ZHX2: variants seen among roughly 807,000 people sequenced by gnomAD.
The protein encoded by ZHX2 is zinc fingers and homeoboxes protein 2.
In ZHX2, 6 loss-of-function variants were observed where a neutral mutation model predicts 21.9. The observed-to-expected ratio is 0.27, with a 90% CI of 0.15 to 0.54. The LOEUF (loss-of-function observed/expected upper bound fraction) is 0.54, where lower values mean the gene tolerates loss of function less well. ZHX2 is among the 20% of genes least tolerant of loss of function. The pLI, the probability that ZHX2 is intolerant of heterozygous loss-of-function variation, is 0.95. For missense variants in ZHX2, 908 were observed against 1,090.7 expected, an observed-to-expected ratio of 0.83 and a Z score of 2.36; for synonymous variants, 434 against 437.1, an observed-to-expected ratio of 0.99 and a Z score of 0.09.
At chr8:122,806,686 A>G (rs959192059) in intron 1 of ZHX2, among the ~76,000 whole-genome samples, 1 of 152,204 alleles carries the variant, frequency 6.6e-6, no homozygotes, top group Non-Finnish European at 1.5e-5. Flanking sequence ...TGGCCATTGG[A>G]ACTCAAGTGA....
At chr8:122,800,387 G>A (rs964476541) in intron 1 of ZHX2, among the ~76,000 whole-genome samples, 4 of 152,162 alleles carry the variant, frequency 2.6e-5, no homozygotes, top group Non-Finnish European at 4.4e-5. Flanking sequence ...GCTGTGAGGC[G>A]CCCCGGCAAG....
intron 2 of ZHX2, among the ~76,000 whole-genome samples, chr8:122,925,514 G>C (rs1820828385): frequency 6.6e-6 from 1 of 152,200 alleles, no homozygotes. Flanking sequence ...TTCAAACCGT[G>C]TTCTCTTTGA....
At chr8:122,921,870 G>A (rs1191754396) in intron 2 of ZHX2, among the ~76,000 whole-genome samples, 2 of 152,190 alleles carry the variant, frequency 1.3e-5, no homozygotes, top group Non-Finnish European at 2.9e-5. Context: ...ATGAGTCGAT[G>A]TTAACCCAAA....
chr8:122,887,889 G>A (rs1431483474), intron 2 of ZHX2, among the ~76,000 whole-genome samples: 1 of 151,090 alleles, frequency 6.6e-6, no homozygotes, highest in Non-Finnish European at 1.5e-5. Flanking sequence ...CGCGCTTGCC[G>A]GCCAGGGCTC....
At position 122,953,045 on chromosome 8, in the gene ZHX2, C is replaced by T; in HGVS notation, c.1535C>T (p.Ala512Val). 2 of 1,614,060 alleles carry T rather than the reference C, an allele frequency of 1.2e-6. No homozygotes were observed. The highest frequency in any genetic ancestry group is 1.7e-6 in the Non-Finnish European group (2 of 1,180,038). ...TSESLAKDQL[A>V]IAASRHGRTY... ...GAATCCCTTGCCAAAGACCAGTTGG[C>T]CATCGCGGCCTCCCGACACGGTCGC... Residue 512 changes from alanine to valine, a missense_variant, in exon 3 of 4, where the codon GCC becomes GTC. By Grantham distance (64) the Ala-to-Val change is moderately conservative. Transcript: ENST00000314393. This position sits in a 1 kb window ranked among gnomAD's most constrained non-coding sequence, Gnocchi z 4.6.
chr8:122,916,774 G>A (rs1820614300), intron 2 of ZHX2, among the ~76,000 whole-genome samples: 1 of 152,084 alleles, frequency 6.6e-6, no homozygotes, highest in East Asian at 1.9e-4. Flanking sequence ...TCCAGAGCCA[G>A]GACTTTGTGT....
At chr8:122,945,710 A>G (rs914821029) in intron 2 of ZHX2, among the ~76,000 whole-genome samples, 2 of 152,226 alleles carry the variant, frequency 1.3e-5, no homozygotes, top group Non-Finnish European at 2.9e-5. Flanking sequence ...CACAGAGAAT[A>G]GCTGTCTTAC....
intron 2 of ZHX2, among the ~76,000 whole-genome samples, chr8:122,944,651 C>T (rs1210979959): frequency 6.6e-6 from 1 of 152,168 alleles, no homozygotes; most frequent in African/African-American, 2.4e-5. Context: ...GTCCATCCAC[C>T]GCTGTATCTT....
At chr8:122,835,190 G>C (rs1169865275) in intron 1 of ZHX2, among the ~76,000 whole-genome samples, 4 of 152,252 alleles carry the variant, frequency 2.6e-5, no homozygotes, top group Admixed American at 2.6e-4. Flanking sequence ...AGAGAGATCA[G>C]TGAGGCAGAA....
intron 1 of ZHX2, among the ~76,000 whole-genome samples, chr8:122,826,259 T>C (rs990376063): frequency 1.3e-5 from 2 of 152,244 alleles, no homozygotes; most frequent in Non-Finnish European, 2.9e-5. Context: ...ATTGGCATGG[T>C]GTTCCCAACG....
intron 2 of ZHX2, among the ~76,000 whole-genome samples, chr8:122,950,127 C>T (rs1466895536): frequency 6.6e-6 from 1 of 152,116 alleles, no homozygotes; most frequent in African/African-American, 2.4e-5. Context: ...AAGAGAACCA[C>T]TTCTAGGCAT....
At chr8:122,921,324 C>T (rs1180243056) in intron 2 of ZHX2, among the ~76,000 whole-genome samples, 1 of 151,946 alleles carries the variant, frequency 6.6e-6, no homozygotes, top group Non-Finnish European at 1.5e-5. Flanking sequence ...CCTCAGGTGA[C>T]CCACCCACCT....
chr8:122,800,318 C>T (rs546098740), intron 1 of ZHX2, among the ~76,000 whole-genome samples: 1 of 152,302 alleles, frequency 6.6e-6, no homozygotes, highest in African/African-American at 2.4e-5. Flanking sequence ...TGCCCTCTTC[C>T]CCTGTCCTGG....
chr8:122,879,728 C>T (rs769938137), intron 2 of ZHX2, among the ~76,000 whole-genome samples: 2 of 152,048 alleles, frequency 1.3e-5, no homozygotes, highest in African/African-American at 4.8e-5. Flanking sequence ...AGCCCTCGGG[C>T]CACGTTCCCA....
At chr8:122,901,368 G>C (rs1820226341) in intron 2 of ZHX2, among the ~76,000 whole-genome samples, 1 of 152,186 alleles carries the variant, frequency 6.6e-6, no homozygotes, top group South Asian at 2.1e-4. Flanking sequence ...CTCTCCCCAA[G>C]AGAATCTGCT....
At chr8:122,864,506 G>A (rs1819239203) in intron 2 of ZHX2, among the ~76,000 whole-genome samples, 1 of 152,004 alleles carries the variant, frequency 6.6e-6, no homozygotes, top group Non-Finnish European at 1.5e-5. Flanking sequence ...AGAGGCTCTG[G>A]GGAGCCTATC....
intron 2 of ZHX2, among the ~76,000 whole-genome samples, chr8:122,881,907 C>T (rs1214857846): frequency 6.6e-6 from 1 of 152,194 alleles, no homozygotes; most frequent in African/African-American, 2.4e-5. Context: ...TTAAAACTTT[C>T]AACCGGCAAA....
chr8:122,959,392 G>T (rs541569286), intron 3 of ZHX2, among the ~76,000 whole-genome samples: 1 of 150,868 alleles, frequency 6.6e-6, no homozygotes, highest in Non-Finnish European at 1.5e-5. Context: ...TTGAATGAAT[G>T]AATGAACGAA....
At chr8:122,965,033 G>T (rs4316159) in intron 3 of ZHX2, among the ~76,000 whole-genome samples, 76,982 of 121,680 alleles carry the variant, frequency 0.63, 22,273 homozygotes, top group African/African-American at 0.8. Flanking sequence ...TCTCTCTTCT[G>T]TTTTTTTTTT....
Sources: gnomAD v4.1 joint callset for allele counts (sites outside exome capture counted in the v4.1 genomes callset) on GRCh38, gnomAD v4.1.1 for gene constraint, Gnocchi (gnomAD v3.1) non-coding constraint, MANE v1.5 for transcripts, NCBI Gene and HGNC (gene_info 2026-07-23, HGNC 2026-07-21) for gene names.